The following PFKP variants were observed in gnomAD, a reference collection of about 807,000 sequenced individuals.
The protein encoded by PFKP is phosphofructokinase, platelet, also known as ATP-dependent 6-phosphofructokinase, platelet type.
In PFKP, 101 loss-of-function variants were observed where a neutral mutation model predicts 94.3. The observed-to-expected ratio is 1.07, with a 90% confidence interval of 0.91 to 1.26. The LOEUF is 1.26. PFKP is among the 50% of genes most tolerant of loss of function. The pLI is 0.00. For missense variants in PFKP, 1,145 were observed against 1,103.3 expected (o/e 1.04, Z -0.53); for synonymous variants, 573 against 432.6 (o/e 1.32, Z -4.03).
At chr10:3,075,625 G>T (rs1832518711) in intron 1 of PFKP, among the ~76,000 whole-genome samples, 1 of 147,788 alleles carries the variant, frequency 6.8e-6, no homozygotes, top group East Asian at 2.0e-4. Context: ...GGGGACTCTG[G>T]GTGCCAAGAC....
chr10:3,110,812 T>C (rs999457090), intron 10 of PFKP, among the ~76,000 whole-genome samples: 6 of 150,568 alleles, frequency 4.0e-5, no homozygotes, highest in African/African-American at 1.5e-4. Flanking sequence ...GTTTGTGAGG[T>C]AGTTTGGGTC....
chr10:3,103,545 C>T (rs1835226314), intron 4 of PFKP, among the ~76,000 whole-genome samples: 1 of 152,184 alleles, frequency 6.6e-6, no homozygotes, highest in Admixed American at 6.5e-5. Flanking sequence ...AGAAGGATCG[C>T]CTGAGCCCAG....
At chr10:3,108,669 G>A (rs780179325) in intron 8 of PFKP, 32 bp from the exon 9 acceptor site, 33 of 1,562,070 alleles carry the variant, frequency 2.1e-5, no homozygotes, top group Non-Finnish European at 2.6e-5. Context: ...CCGCATCACA[G>A]TTCCGCATCC....
chr10:3,118,927 C>T, intron 15 of PFKP, 58 bp downstream of exon 15: 1 of 1,352,988 alleles, frequency 7.4e-7, no homozygotes, highest in Admixed American at 1.8e-5. Flanking sequence ...CCTGTGTTGG[C>T]TAAACATTAA....
chr10:3,069,412 G>C, intron 1 of PFKP: 4 of 1,576,434 alleles, frequency 2.5e-6, no homozygotes, highest in Non-Finnish European at 3.4e-6. Context: ...CCGCCTTGGG[G>C]TCGGGATAGG....
At chr10:3,129,021 TTA>T (rs1400414401) in intron 16 of PFKP, 3 of 152,202 alleles carry the variant, frequency 2.0e-5, no homozygotes, top group African/African-American at 4.8e-5. Flanking sequence ...TGGATCAGAT[TTA>T]TGTTTTTTAT....
chr10:3,119,806 G>A lies in PFKP; in HGVS notation c.1531-86G>A. On this transcript the variant is annotated intron_variant, in intron 15 of 21. Transcript: ENST00000381125. The stretch of plus-strand genomic sequence containing the variant: ...CAGTGTGCTCCCTGCGTGCTGTGGT[G>A]GAGGTGGCGCTCCCAGCCTCTCCCA... 3 of 1,228,156 alleles carry A rather than the reference G, an allele frequency of 2.4e-6. No individual in the cohort carries two copies. In the East Asian group the frequency reaches 7.1e-5, roughly 29 times the overall value. The allele number at this position is 1,228,156 out of a possible 1,614,324, so 76.1% of individuals were successfully genotyped here. A position where few individuals can be genotyped will look rare whatever the true frequency, so the allele number is the denominator to read the frequency against.
intron 4 of PFKP, among the ~76,000 whole-genome samples, chr10:3,101,759 C>T (rs1225308177): frequency 1.3e-5 from 2 of 152,212 alleles, no homozygotes; most frequent in Non-Finnish European, 2.9e-5. Context: ...GTGCCAGGCA[C>T]CCTTCGACCT....
At chr10:3,121,844 C>T (rs1233387831) in intron 16 of PFKP, among the ~76,000 whole-genome samples, 1 of 101,558 alleles carries the variant, frequency 9.8e-6, no homozygotes, top group Non-Finnish European at 1.8e-5. Context: ...TTTTTGGAGA[C>T]AGGGCCTCAC....
chr10:3,120,369 C>CTGTG (rs3841457), intron 16 of PFKP, among the ~76,000 whole-genome samples: 1,288 of 108,568 alleles, frequency 0.012, 11 homozygotes, highest in African/African-American at 0.037. Context: ...TTAAAAATCG[C>CTGTG]TGTGTGTGTG....
chr10:3,135,827 A>C lies in PFKP; in HGVS notation c.2214A>C (p.Gln738His). 6.2e-7 allele frequency: 1 copy of C among 1,610,828 alleles called. No individual in the cohort carries two copies. ...AACCTGTGGCAGAGCTGAAGAAGCA[A>C]ACGGATTTTGAGTAAGTTGGCTGGG... ...IFQPVAELKK[Q>H]TDFEHRIPKE... Residue 738 changes from glutamine (Q) to histidine (H), a missense_variant, in exon 21 of 22, where the codon CAA becomes CAC. Physicochemically the swap from Gln to His is conservative, Grantham distance 24. Coordinates refer to ENST00000381125, the MANE Select transcript of PFKP (RefSeq NM_002627.5).
chr10:3,111,004 GGTA>G (rs986307276), intron 10 of PFKP, among the ~76,000 whole-genome samples: 56 of 152,004 alleles, frequency 3.7e-4, no homozygotes, highest in African/African-American at 7.7e-4. Context: ...TTGAGTGTGA[GGTA>G]GTATGTTTCT....
chr10:3,089,311 G>T (rs973679184), intron 2 of PFKP, among the ~76,000 whole-genome samples: 1 of 152,200 alleles, frequency 6.6e-6, no homozygotes, highest in African/African-American at 2.4e-5. Flanking sequence ...CTTTATGGGT[G>T]AACGGTGTTG....
At chr10:3,071,291 T>C (rs148130895) in intron 1 of PFKP, among the ~76,000 whole-genome samples, 1 of 152,172 alleles carries the variant, frequency 6.6e-6, no homozygotes, top group African/African-American at 2.4e-5. Context: ...AATTATAAGA[T>C]ACAATTGAAA....
intron 2 of PFKP, among the ~76,000 whole-genome samples, chr10:3,093,734 C>T (rs1834245898): frequency 6.6e-6 from 1 of 150,904 alleles, no homozygotes; most frequent in South Asian, 2.1e-4. Context: ...AGCTCCGCCT[C>T]CCAGGTTCAC....
chr10:3,081,583 G>T (rs1160924145), intron 1 of PFKP, among the ~76,000 whole-genome samples: 1 of 152,200 alleles, frequency 6.6e-6, no homozygotes. Context: ...CTCTCCCGAT[G>T]GGCCTGAGCT....
intron 21 of PFKP, 90 bp downstream of exon 21, chr10:3,135,928 T>TCAG (rs2131754025): frequency 1.3e-6 from 1 of 796,850 alleles, no homozygotes; most frequent in African/African-American, 1.7e-5. Flanking sequence ...GGCAACTCAT[T>TCAG]CAGGGGTTTG....
chr10:3,123,802 T>C (rs1272705873), intron 16 of PFKP, among the ~76,000 whole-genome samples: 1 of 152,238 alleles, frequency 6.6e-6, no homozygotes, highest in East Asian at 1.9e-4. Context: ...GGCATTTGGA[T>C]TGAAGTCCTG....
Position 3,104,406 on chromosome 10 carries a change from C to T in PFKP, c.620+462C>T, listed in dbSNP as rs187677015. 2.1e-3 allele frequency among the ~76,000 whole-genome samples: 317 copies of T among 152,264 alleles called. 6 individuals are homozygous for T. The highest frequency in any genetic ancestry group is 0.021 in the South Asian group (100 of 4,828). ...TATCACTAAAGACTGTGGGGCGCAC[C>T]GTACAATTTCTGAAGCAATTTGCAT... On this transcript the variant is annotated intron_variant, in intron 5 of 21. Transcript: ENST00000381125.
Sources: gnomAD v4.1 joint callset for allele counts (sites outside exome capture counted in the v4.1 genomes callset) on GRCh38, gnomAD v4.1.1 for gene constraint, MANE v1.5 for transcripts, NCBI Gene and HGNC (gene_info 2026-07-23, HGNC 2026-07-21) for gene names.